SUCLG2: variants seen among roughly 807,000 people sequenced by gnomAD.
SUCLG2 encodes succinate--CoA ligase [GDP-forming] subunit beta, mitochondrial.
Under a neutral mutation model 47.9 loss-of-function variants are expected in SUCLG2, and 42 were observed. The observed-to-expected ratio is 0.88, with a 90% CI of 0.69 to 1.14. The LOEUF (loss-of-function observed/expected upper bound fraction) is 1.14. Among genes scored for constraint, SUCLG2 ranks in the 50% most tolerant of loss-of-function variants. SUCLG2 has a pLI of 0.00. For synonymous variants in SUCLG2, 195 were observed against 197.3 expected (o/e 0.99, Z 0.10); for missense variants, 571 against 525.9 (o/e 1.09, Z -0.84).
At chr3:67,429,166 G>T (rs372563157) in intron 9 of SUCLG2, among the ~76,000 whole-genome samples, 28 of 152,248 alleles carry the variant, frequency 1.8e-4, no homozygotes, top group East Asian at 1.4e-3. Flanking sequence ...CACCAAAGTT[G>T]AAATGAAGGA....
chr3:67,653,915 C>G (rs2198016), intron 1 of SUCLG2, among the ~76,000 whole-genome samples: 56,216 of 152,094 alleles, frequency 0.37, 10,767 homozygotes, highest in African/African-American at 0.43. Context: ...TTAGTGACAG[C>G]CCTGATTTTT....
intron 10 of SUCLG2, among the ~76,000 whole-genome samples, chr3:67,368,457 T>C (rs1338197864): frequency 6.6e-6 from 1 of 152,134 alleles, no homozygotes; most frequent in Non-Finnish European, 1.5e-5. Flanking sequence ...AGCACACCAA[T>C]TATCCTTATG....
chr3:67,415,673 T>TTA (rs979172971), intron 9 of SUCLG2, among the ~76,000 whole-genome samples: 4 of 152,184 alleles, frequency 2.6e-5, no homozygotes, highest in Non-Finnish European at 4.4e-5. Flanking sequence ...AAAATGTCCT[T>TTA]TATATACACC....
intron 2 of SUCLG2, among the ~76,000 whole-genome samples, chr3:67,600,293 G>A (rs536448255): frequency 6.6e-6 from 1 of 152,022 alleles, no homozygotes; most frequent in Admixed American, 6.5e-5. Flanking sequence ...TAGTTGTTTT[G>A]TATTTCTTTC....
chr3:67,436,391 G>T (rs1703622827), intron 9 of SUCLG2, among the ~76,000 whole-genome samples: 1 of 152,162 alleles, frequency 6.6e-6, no homozygotes, highest in African/African-American at 2.4e-5. Context: ...ATTATGGAAG[G>T]CATCACCATG....
chr3:67,582,162 T>C (rs1021991414), intron 2 of SUCLG2, among the ~76,000 whole-genome samples: 12 of 152,238 alleles, frequency 7.9e-5, no homozygotes, highest in African/African-American at 2.9e-4. Context: ...AGTTTTGTTA[T>C]ACAGGTAAAT....
At chr3:67,557,009 T>G (rs1707179882) in intron 2 of SUCLG2, among the ~76,000 whole-genome samples, 1 of 152,212 alleles carries the variant, frequency 6.6e-6, no homozygotes, top group Non-Finnish European at 1.5e-5. Flanking sequence ...AGGCTTGGAC[T>G]GCCTTTCTAC....
chr3:67,535,697 A>G (rs1439202726), intron 2 of SUCLG2, among the ~76,000 whole-genome samples: 2 of 152,228 alleles, frequency 1.3e-5, no homozygotes, highest in African/African-American at 4.8e-5. Flanking sequence ...CATATGGCTC[A>G]GCAGGATCAG....
At chr3:67,503,707 T>G (rs1028077573) in intron 7 of SUCLG2, among the ~76,000 whole-genome samples, 1 of 152,194 alleles carries the variant, frequency 6.6e-6, no homozygotes, top group Non-Finnish European at 1.5e-5. Flanking sequence ...CCTATTAATA[T>G]TTATAAAACA....
chr3:67,390,835 C>A (rs1389928869), intron 10 of SUCLG2, among the ~76,000 whole-genome samples: 2 of 152,124 alleles, frequency 1.3e-5, no homozygotes, highest in Non-Finnish European at 2.9e-5. Flanking sequence ...TTTTACAGTT[C>A]TTTATCAGAA....
At chr3:67,529,480 A>C (rs748774386) in intron 2 of SUCLG2, among the ~76,000 whole-genome samples, 5 of 152,210 alleles carry the variant, frequency 3.3e-5, no homozygotes, top group African/African-American at 9.6e-5. Context: ...GTGTCAGAAG[A>C]AGCTAAATAA....
At position 67,585,069 on chromosome 3, in the gene SUCLG2, A is replaced by G. The variant is rs1458271383; in HGVS notation, c.226+24386T>C. Among the ~76,000 whole-genome samples the G allele has an allele frequency of 5.3e-5, 8 of 152,210 alleles. No individual in the cohort carries two copies. In the East Asian group the frequency reaches 1.5e-3, roughly 29 times the overall value. ...ATGGGTAAATTTTATGATATACAAT[A>G]CATAACTTAATTAGCTTGTCAGAAA... On this transcript the variant is annotated intron_variant, in intron 2 of 10. Coordinates refer to ENST00000307227, the MANE Select transcript of SUCLG2 (RefSeq NM_003848.4).
chr3:67,452,275 A>G (rs1342439871), intron 9 of SUCLG2, among the ~76,000 whole-genome samples: 1 of 152,240 alleles, frequency 6.6e-6, no homozygotes, highest in African/African-American at 2.4e-5. Flanking sequence ...TAAAACATAC[A>G]TTAATAAAAA....
At chr3:67,451,872 T>C (rs556405839) in intron 9 of SUCLG2, among the ~76,000 whole-genome samples, 8 of 152,254 alleles carry the variant, frequency 5.3e-5, no homozygotes, top group African/African-American at 1.9e-4. Context: ...TGATGTGTAG[T>C]GTTTGCCAAT....
intron 9 of SUCLG2, among the ~76,000 whole-genome samples, chr3:67,406,714 G>C (rs1304692114): frequency 6.6e-6 from 1 of 152,116 alleles, no homozygotes; most frequent in African/African-American, 2.4e-5. Flanking sequence ...ATCATGCAGA[G>C]TCTCACAGAG....
intron 9 of SUCLG2, among the ~76,000 whole-genome samples, chr3:67,421,734 T>C (rs1703163302): frequency 6.6e-6 from 1 of 152,194 alleles, no homozygotes; most frequent in Non-Finnish European, 1.5e-5. Context: ...TGTCATCTAC[T>C]ATTACATATC....
chr3:67,491,664 T>C (rs1453776955), intron 9 of SUCLG2, among the ~76,000 whole-genome samples: 2 of 152,238 alleles, frequency 1.3e-5, no homozygotes, highest in Non-Finnish European at 2.9e-5. Flanking sequence ...AGCCATGTTC[T>C]ATTTCTTGAT....
Position 67,400,248 on chromosome 3 carries a change from G to GAT in SUCLG2, c.1183+481_1183+482dup, listed in dbSNP as rs572422118. Among the ~76,000 whole-genome samples the GAT allele has an allele frequency of 1.5e-3, 228 of 149,410 alleles. 1 individual carries two copies. The highest frequency in any genetic ancestry group is 5.0e-3 in the African/African-American group (198 of 39,432). Reference sequence around the variant, plus strand: ...TTGCTATAAAATATATAATACATATGATATATAAAATATACCATAAAATAT... The same window carrying GAT: ...TTGCTATAAAATATATAATACATATGATATATATAAAATATACCATAAAATAT... On this transcript the variant is annotated intron_variant, in intron 10 of 10. Coordinates refer to ENST00000307227, the MANE Select transcript of SUCLG2 (RefSeq NM_003848.4).
intron 10 of SUCLG2, chr3:67,376,534 T>G (rs1575655326): frequency 1.0e-6 from 1 of 968,536 alleles, no homozygotes; most frequent in African/African-American, 1.8e-5. Context: ...AGAATTTAAG[T>G]GTCTAATGAA....
Sources: gnomAD v4.1 joint callset for allele counts (sites outside exome capture counted in the v4.1 genomes callset) on GRCh38, gnomAD v4.1.1 for gene constraint, MANE v1.5 for transcripts, NCBI Gene and HGNC (gene_info 2026-07-23, HGNC 2026-07-21) for gene names.